The following SLC25A40 variants were observed in gnomAD, a reference collection of about 807,000 sequenced individuals.
The protein encoded by SLC25A40 is mitochondrial glutathione transporter SLC25A40.
SLC25A40 carries 41 observed loss-of-function variants against 46.5 expected under a neutral mutation model. The ratio of observed to expected loss-of-function variants is 0.88; its 90% CI spans 0.69 to 1.14. The LOEUF is 1.14. SLC25A40 is among the 50% of genes most tolerant of loss of function. The probability of loss-of-function intolerance (pLI) is 0.00; values close to 1 mark genes in which losing one functional copy is unlikely to be tolerated. For synonymous variants in SLC25A40, 126 were observed against 127.5 expected, an observed-to-expected ratio of 0.99 and a Z score of 0.08; for missense variants, 386 against 393.6, an observed-to-expected ratio of 0.98 and a Z score of 0.16.
rs989722837 is a variant in SLC25A40 at position 87,851,983 on chromosome 7, A to G, written c.265-2035T>C. Reference sequence around the variant, plus strand: ...AAGTCCTACTCTCTAATTGCATTATAATAGTTAAACTAAGTATACTAATTA... The same window carrying G: ...AAGTCCTACTCTCTAATTGCATTATGATAGTTAAACTAAGTATACTAATTA... On this transcript the variant is annotated intron_variant, in intron 5 of 11. Transcript: ENST00000341119. 5.9e-5 allele frequency among the ~76,000 whole-genome samples: 9 copies of G among 152,372 alleles called. No homozygotes were observed. In the South Asian group the frequency reaches 6.2e-4, roughly 11 times the overall value.
chr7:87,857,870 C>T (rs1178024112), intron 3 of SLC25A40, among the ~76,000 whole-genome samples: 4 of 152,160 alleles, frequency 2.6e-5, no homozygotes, highest in African/African-American at 9.7e-5. Context: ...AAAATAGAGC[C>T]ATATTTTTCT....
chr7:87,836,219 T>C lies in SLC25A40; in HGVS notation c.*30A>G, dbSNP rs1416830287. The C allele has an allele frequency of 3.0e-6, 4 of 1,338,330 alleles. No homozygotes were observed. The East Asian group carries it at 7.4e-5, about 25-fold the overall frequency. 82.9% of individuals were successfully genotyped at this position (1,338,330 alleles called of 1,614,324 possible). A position where few individuals can be genotyped will look rare whatever the true frequency, so the allele number is the denominator to read the frequency against. ...TAAGAGTCTCCATCTTCTTTGGCTA[T>C]AGTTGTTGTTTCAAGTTGAAACAGC... On this transcript the variant is annotated 3_prime_UTR_variant, in exon 12 of 12. Coordinates refer to ENST00000341119, the MANE Select transcript of SLC25A40 (RefSeq NM_018843.4).
intron 5 of SLC25A40, among the ~76,000 whole-genome samples, chr7:87,852,701 A>C (rs1838535831): frequency 6.6e-6 from 1 of 152,214 alleles, no homozygotes; most frequent in South Asian, 2.1e-4. Context: ...ACAGAATAGA[A>C]AACTCAGAAA....
intron 4 of SLC25A40, among the ~76,000 whole-genome samples, chr7:87,855,587 T>C (rs1463066997): frequency 1.3e-5 from 2 of 152,216 alleles, no homozygotes; most frequent in Admixed American, 6.5e-5. Context: ...TCTGCTTTTA[T>C]GGCTTTCTTT....
chr7:87,846,807 C>A lies in SLC25A40; in HGVS notation c.631+142G>T, dbSNP rs1838429077. 5 of 535,810 alleles carry A rather than the reference C, an allele frequency of 9.3e-6. No individual in the cohort carries two copies. The South Asian group carries it at 2.4e-4, about 26-fold the overall frequency. 33.2% of individuals were successfully genotyped at this position (535,810 alleles called of 1,614,324 possible). A position where few individuals can be genotyped will look rare whatever the true frequency, so the allele number is the denominator to read the frequency against. On this transcript the variant is annotated intron_variant, in intron 8 of 11. Coordinates refer to ENST00000341119, the MANE Select transcript of SLC25A40 (RefSeq NM_018843.4). The stretch of plus-strand genomic sequence containing the variant: ...ATAAAAGCTTGGAAAGATCTGAGAG[C>A]CCAACAATGAAAAAGGAGTTTGTGG...
At chr7:87,866,724 C>T (rs1180824008) in intron 1 of SLC25A40, among the ~76,000 whole-genome samples, 5 of 152,214 alleles carry the variant, frequency 3.3e-5, no homozygotes, top group African/African-American at 1.2e-4. Context: ...CTTGGCTCCT[C>T]CTGAAACCCA....
intron 1 of SLC25A40, among the ~76,000 whole-genome samples, chr7:87,867,027 G>A (rs1016290146): frequency 7.2e-5 from 11 of 152,214 alleles, no homozygotes; most frequent in African/African-American, 1.2e-4. Flanking sequence ...CTTTGTCTCC[G>A]CCAGACTTGG....
chr7:87,847,470 T>C (rs1194393467), intron 7 of SLC25A40, among the ~76,000 whole-genome samples: 1 of 152,180 alleles, frequency 6.6e-6, no homozygotes, highest in Non-Finnish European at 1.5e-5. Context: ...GTAAACGTTC[T>C]TCTGTATAGA....
chr7:87,833,635 CTT>C lies in SLC25A40; in HGVS notation c.*2612_*2613del, dbSNP rs1356229739. 4.0e-5 allele frequency: 6 copies of C among 151,826 alleles called. No individual in the cohort carries two copies. Among genetic ancestry groups the C allele is most frequent in the Non-Finnish European group, 8.8e-5 (6 of 67,884 alleles). 9.4% of individuals were successfully genotyped at this position (151,826 alleles called of 1,614,324 possible). ...GAAAATTCAAAAGGGATACAATAAACTTTTCCATATCCCAAAAACTTGTGCCC... is the reference window on the plus strand; with the variant it reads ...GAAAATTCAAAAGGGATACAATAAACTTCCATATCCCAAAAACTTGTGCCC... On this transcript the variant is annotated 3_prime_UTR_variant, in exon 12 of 12. Coordinates refer to ENST00000341119, the MANE Select transcript of SLC25A40 (RefSeq NM_018843.4).
chr7:87,858,017 G>T (rs934872136), intron 3 of SLC25A40, among the ~76,000 whole-genome samples: 1 of 152,110 alleles, frequency 6.6e-6, no homozygotes, highest in Admixed American at 6.5e-5. Context: ...GGCCACTCTG[G>T]GAGTGTCTGT....
At chr7:87,862,871 G>A (rs1039238467) in intron 1 of SLC25A40, among the ~76,000 whole-genome samples, 14 of 152,114 alleles carry the variant, frequency 9.2e-5, no homozygotes, top group East Asian at 1.9e-4. Context: ...ATCAGATTTC[G>A]TGAGAGGTAT....
intron 5 of SLC25A40, among the ~76,000 whole-genome samples, chr7:87,852,668 T>C (rs989295181): frequency 7.2e-5 from 11 of 151,982 alleles, no homozygotes; most frequent in African/African-American, 2.4e-4. Context: ...ATTGACAGAG[T>C]GACAGACACA....
chr7:87,860,949 T>G (rs1838687740), intron 1 of SLC25A40, among the ~76,000 whole-genome samples: 1 of 152,208 alleles, frequency 6.6e-6, no homozygotes, highest in Non-Finnish European at 1.5e-5. Flanking sequence ...CAACCAGATT[T>G]TGTAACACAA....
intron 1 of SLC25A40, among the ~76,000 whole-genome samples, chr7:87,866,502 T>C (rs1171397194): frequency 6.6e-6 from 1 of 152,228 alleles, no homozygotes; most frequent in Non-Finnish European, 1.5e-5. Context: ...GTTTGATTAT[T>C]ATATGCTGTG....
At position 87,851,650 on chromosome 7, in the gene SLC25A40, C is replaced by G. The variant is rs527266526; in HGVS notation, c.265-1702G>C. 2.6e-5 allele frequency among the ~76,000 whole-genome samples: 4 copies of G among 152,308 alleles called. No individual in the cohort carries two copies. The South Asian group carries it at 8.3e-4, about 32-fold the overall frequency. ...TACCCCACTACACCGTCAGTGGAAA[C>G]CATATAGAAAGCCAGAATTCCCACA... On this transcript the variant is annotated intron_variant, in intron 5 of 11. Transcript: ENST00000341119.
chr7:87,842,256 C>A (rs978506880), intron 9 of SLC25A40: 1 of 152,296 alleles, frequency 6.6e-6, no homozygotes, highest in African/African-American at 2.4e-5. Flanking sequence ...GTTCACAAAT[C>A]ACATTTTTTC....
At chr7:87,864,930 T>G (rs547846392) in intron 1 of SLC25A40, among the ~76,000 whole-genome samples, 7 of 152,194 alleles carry the variant, frequency 4.6e-5, no homozygotes, top group African/African-American at 1.7e-4. Context: ...TAAGTGATTT[T>G]CTTTGTTAGC....
intron 4 of SLC25A40, 53 bp downstream of exon 4, chr7:87,856,239 C>G: frequency 7.3e-7 from 1 of 1,375,322 alleles, no homozygotes; most frequent in East Asian, 2.4e-5. Context: ...AAAAAAACCA[C>G]AGGAACATTT....
chr7:87,854,442 T>C (rs372549866), intron 4 of SLC25A40, 132 bp from the exon 5 acceptor site: 7 of 600,984 alleles, frequency 1.2e-5, no homozygotes, highest in Admixed American at 6.3e-5. Context: ...AAAAGATAAA[T>C]AAACATCTCT....
Sources: allele counts gnomAD v4.1 joint callset (sites outside exome capture counted in the v4.1 genomes callset), GRCh38; gene constraint gnomAD v4.1.1; transcripts MANE v1.5; gene names NCBI Gene and HGNC (gene_info 2026-07-23, HGNC 2026-07-21).